SNED1: variants seen among roughly 807,000 people sequenced by gnomAD.
SNED1 encodes sushi, nidogen and EGF like domains 1.
SNED1 carries 81 observed loss-of-function variants against 166.7 expected under a neutral mutation model. The ratio of observed to expected loss-of-function variants is 0.49; its 90% CI spans 0.41 to 0.58. The LOEUF (loss-of-function observed/expected upper bound fraction) is 0.58, where lower values mean the gene tolerates loss of function less well. Among genes scored for constraint, SNED1 ranks in the 20% least tolerant of loss-of-function variants. SNED1 has a pLI of 0.00. For synonymous variants in SNED1, 762 were observed against 822.0 expected (o/e 0.93, Z 1.25); for missense variants, 1,604 against 2,000.2 (o/e 0.80, Z 3.78).
intron 1 of SNED1, among the ~76,000 whole-genome samples, chr2:241,011,942 C>T (rs2060419406): frequency 6.6e-6 from 1 of 152,228 alleles, no homozygotes; most frequent in South Asian, 2.1e-4. Context: ...CTGGCTCAGC[C>T]CCCAGCGGGG....
At chr2:241,037,441 TC>T in intron 6 of SNED1, 88 bp downstream of exon 6, 2 of 919,776 alleles carry the variant, frequency 2.2e-6, no homozygotes, top group Non-Finnish European at 3.4e-6. Context: ...TCTTGGAAGG[TC>T]CAGCAGCTGT....
rs953517828 is a variant in SNED1 at position 241,091,474 on chromosome 2, C to A, written c.*2-164C>A. Among the ~76,000 whole-genome samples, 1 of 152,196 alleles carries A rather than the reference C, an allele frequency of 6.6e-6. No homozygotes were observed. Among genetic ancestry groups the A allele is most frequent in the Admixed American group, 6.5e-5 (1 of 15,274 alleles). ...TGCTCTAAGAACGCGGGGTCCTCCCCGTGTGCACTGCCATATGGTAGAATC... is the reference window on the plus strand; with the variant it reads ...TGCTCTAAGAACGCGGGGTCCTCCCAGTGTGCACTGCCATATGGTAGAATC... On this transcript the variant is annotated intron_variant, in intron 31 of 31. Coordinates refer to ENST00000310397, the MANE Select transcript of SNED1 (RefSeq NM_001080437.3). The surrounding 1 kb of genome is among the most constrained non-coding windows in gnomAD (Gnocchi z 4.1).
intron 2 of SNED1, 41 bp from the exon 3 acceptor site, chr2:241,033,694 A>G (rs750041761): frequency 6.3e-6 from 10 of 1,588,420 alleles, no homozygotes; most frequent in Non-Finnish European, 8.6e-6. Flanking sequence ...CCCTGGGCCA[A>G]GGGGAGTGCA....
intron 16 of SNED1, among the ~76,000 whole-genome samples, chr2:241,057,380 A>AATATAT (rs57902432): frequency 0.017 from 1,981 of 117,976 alleles, 42 homozygotes; most frequent in African/African-American, 0.038. Context: ...TCCATCTCAA[A>AATATAT]ATATATATAT....
At chr2:241,066,667 C>G (rs2062463166) in intron 21 of SNED1, among the ~76,000 whole-genome samples, 1 of 152,104 alleles carries the variant, frequency 6.6e-6, no homozygotes, top group African/African-American at 2.4e-5. Flanking sequence ...TTCAGGGAGG[C>G]CTAAGCATCC....
At chr2:241,037,029 T>A in intron 5 of SNED1, 114 bp downstream of exon 5, 1 of 1,338,570 alleles carries the variant, frequency 7.5e-7, no homozygotes, top group South Asian at 1.4e-5. Context: ...GGAGTCTCTG[T>A]CCCCAGGGTG....
rs754637626 is a variant in SNED1, at chr2:241,068,709, C to T, written c.3195-202C>T. On this transcript the variant is annotated intron_variant, in intron 22 of 31. Transcript: ENST00000310397. The surrounding 1 kb of genome is among the most constrained non-coding windows in gnomAD (Gnocchi z 5.3). Reference sequence around the variant, plus strand: ...GCGCACCCGATCCTCCTCCGCTGCCCGGACTATGGGTTGGCTTCCCGCCCT... The same window carrying T: ...GCGCACCCGATCCTCCTCCGCTGCCTGGACTATGGGTTGGCTTCCCGCCCT... Among the ~76,000 whole-genome samples the T allele has an allele frequency of 1.1e-4, 17 of 152,186 alleles. No homozygotes were observed. Among genetic ancestry groups the T allele is most frequent in the Non-Finnish European group, 2.1e-4 (14 of 68,016 alleles).
chr2:241,040,011 T>G, intron 6 of SNED1, 64 bp from the exon 7 acceptor site: 5 of 1,305,952 alleles, frequency 3.8e-6, no homozygotes, highest in Non-Finnish European at 5.4e-6. Context: ...GTCCCAGGGG[T>G]TTCTGTCCCC....
At chr2:241,015,304 C>T (rs895244141) in intron 1 of SNED1, among the ~76,000 whole-genome samples, 101 of 152,272 alleles carry the variant, frequency 6.6e-4, no homozygotes, top group African/African-American at 2.4e-3. Flanking sequence ...GTTTCAGAAT[C>T]GAGTGCAGAG....
chr2:241,066,952 C>G (rs1209490497), intron 21 of SNED1, among the ~76,000 whole-genome samples: 1 of 152,202 alleles, frequency 6.6e-6, no homozygotes, highest in African/African-American at 2.4e-5. Flanking sequence ...CACACCTCGG[C>G]CAGTGGAGAG....
chr2:241,063,344 T>C, intron 17 of SNED1: 1 of 550,696 alleles, frequency 1.8e-6, no homozygotes, highest in Non-Finnish European at 3.3e-6. Context: ...AGCCTCCCAT[T>C]GCGGAGTGGC....
At chr2:241,050,168 T>C (rs2061793620) in intron 12 of SNED1, 1 of 577,466 alleles carries the variant, frequency 1.7e-6, no homozygotes, top group Non-Finnish European at 3.1e-6. Flanking sequence ...CTTCTGAAAA[T>C]AGGCTTCATT....
rs527777566 is a variant in SNED1, at chr2:241,073,345, C to T, written c.3897C>T (p.His1299=). 11 of 1,572,772 alleles carry T rather than the reference C, an allele frequency of 7.0e-6. No homozygotes were observed. Among genetic ancestry groups the T allele is most frequent in the Admixed American group, 3.8e-5 (2 of 53,004 alleles). The part of the protein sequence containing the change: ...RVSLALQLPE[H]GSKDIGNVPG... Reference sequence around the variant, plus strand: ...GCCTGGCCCTCCAGCTCCCTGAACACGGCAGCAAGGACATCGGAAGTGAGT... The same window carrying T: ...GCCTGGCCCTCCAGCTCCCTGAACATGGCAGCAAGGACATCGGAAGTGAGT... Residue 1299 remains histidine (H), a synonymous_variant, in exon 27 of 32, where the codon CAC becomes CAT. Transcript: ENST00000310397. The surrounding 1 kb of genome is among the most constrained non-coding windows in gnomAD (Gnocchi z 6.6).
intron 9 of SNED1, 82 bp from the exon 10 acceptor site, chr2:241,048,580 C>T: frequency 6.7e-7 from 1 of 1,496,694 alleles, no homozygotes; most frequent in Non-Finnish European, 9.1e-7. Flanking sequence ...GGGAAGTTGG[C>T]CAGGAGCAGG....
At chr2:241,020,524 A>G (rs1022870604) in intron 1 of SNED1, among the ~76,000 whole-genome samples, 39 of 152,230 alleles carry the variant, frequency 2.6e-4, no homozygotes, top group African/African-American at 8.0e-4. Context: ...TTTTTCTTGT[A>G]AATCCAAGAT....
chr2:241,086,216 G>A (rs2063566939), intron 29 of SNED1, among the ~76,000 whole-genome samples: 1 of 152,138 alleles, frequency 6.6e-6, no homozygotes, highest in Admixed American at 6.5e-5. Context: ...TCTCTACTCT[G>A]GCTCTGGAAA....
chr2:241,070,428 C>G (rs1341499334), intron 24 of SNED1, among the ~76,000 whole-genome samples: 1 of 152,268 alleles, frequency 6.6e-6, no homozygotes, highest in East Asian at 1.9e-4. Context: ...ATAATAAGCA[C>G]ATTGAGCCTC....
chr2:241,072,451 C>T (rs2062779909), intron 26 of SNED1: 2 of 355,896 alleles, frequency 5.6e-6, no homozygotes, highest in Non-Finnish European at 1.1e-5. Flanking sequence ...GCAGGCGCGA[C>T]CCTGCCCCAG....
chr2:241,090,462 TGAA>T (rs2063870401), intron 31 of SNED1: 2 of 1,532,420 alleles, frequency 1.3e-6, no homozygotes, highest in African/African-American at 2.8e-5. Flanking sequence ...AAAATAATGA[TGAA>T]GAGTATAGTA....
Sources: allele counts gnomAD v4.1 joint callset (sites outside exome capture counted in the v4.1 genomes callset), GRCh38; gene constraint gnomAD v4.1.1; non-coding constraint Gnocchi (gnomAD v3.1); transcripts MANE v1.5; gene names NCBI Gene and HGNC (gene_info 2026-07-23, HGNC 2026-07-21).